CNTNAP2: variants seen among roughly 807,000 people sequenced by gnomAD.
The protein encoded by CNTNAP2 is contactin associated protein 2.
Under a neutral mutation model 155.2 loss-of-function variants are expected in CNTNAP2, and 98 were observed. The ratio of observed to expected loss-of-function variants is 0.63; its 90% confidence interval spans 0.54 to 0.75. The LOEUF (loss-of-function observed/expected upper bound fraction) is 0.75, where lower values mean the gene tolerates loss of function less well. Ranked by LOEUF, CNTNAP2 falls within the 30% of genes least tolerant of loss-of-function variation. CNTNAP2 has a pLI of 0.00. For synonymous variants in CNTNAP2, 651 were observed against 631.2 expected (o/e 1.03, Z -0.47); for missense variants, 1,727 against 1,688.1 (o/e 1.02, Z -0.40).
At chr7:148,374,029 G>A (rs915862221) in intron 21 of CNTNAP2, among the ~76,000 whole-genome samples, 5 of 152,200 alleles carry the variant, frequency 3.3e-5, no homozygotes, top group Non-Finnish European at 7.3e-5. Flanking sequence ...GTGACATGGA[G>A]CGTCAGTTAA....
Position 148,416,404 on chromosome 7 carries a change from C to T in CNTNAP2, c.*788C>T, listed in dbSNP as rs998536072. ...TAGCTGTAACTATCAGCTGCAATAC[C>T]ATGGTGACCAGCTGTTACAAAAGAT... On this transcript the variant is annotated 3_prime_UTR_variant, in exon 24 of 24. Transcript: ENST00000361727. 6.6e-6 allele frequency: 1 copy of T among 152,136 alleles called. No individual in the cohort carries two copies. Among genetic ancestry groups the T allele is most frequent in the African/African-American group, 2.4e-5 (1 of 41,416 alleles). 9.4% of individuals were successfully genotyped at this position (152,136 alleles called of 1,614,324 possible).
At chr7:146,714,999 G>T (rs982209660) in intron 1 of CNTNAP2, among the ~76,000 whole-genome samples, 1 of 152,096 alleles carries the variant, frequency 6.6e-6, no homozygotes, top group African/African-American at 2.4e-5. Flanking sequence ...TATGAGAAGG[G>T]AAAGAGATAA....
intron 23 of CNTNAP2, chr7:148,414,635 A>T (rs1189414505): frequency 6.6e-6 from 1 of 151,580 alleles, no homozygotes; most frequent in Non-Finnish European, 1.5e-5. Flanking sequence ...ATTTTGCTAC[A>T]TTTTTTTTCT....
chr7:146,845,932 G>T (rs927186630), intron 3 of CNTNAP2, among the ~76,000 whole-genome samples: 9 of 152,128 alleles, frequency 5.9e-5, no homozygotes, highest in African/African-American at 2.2e-4. Flanking sequence ...TGAATGGATT[G>T]TTCTGTCCTT....
At chr7:146,547,008 A>G (rs996750508) in intron 1 of CNTNAP2, among the ~76,000 whole-genome samples, 1 of 151,924 alleles carries the variant, frequency 6.6e-6, no homozygotes, top group African/African-American at 2.4e-5. Flanking sequence ...GAAGAGAGGG[A>G]GACAGGCAGG....
intron 1 of CNTNAP2, among the ~76,000 whole-genome samples, chr7:146,666,425 A>G (rs538624588): frequency 6.6e-6 from 1 of 152,260 alleles, no homozygotes; most frequent in Admixed American, 6.5e-5. Context: ...TTGATTCCGT[A>G]TCTTGGCCAT....
intron 13 of CNTNAP2, among the ~76,000 whole-genome samples, chr7:147,695,212 G>A (rs1380488445): frequency 2.0e-5 from 3 of 152,178 alleles, no homozygotes; most frequent in African/African-American, 7.2e-5. Flanking sequence ...AGCAGACACT[G>A]TATGATTTGT....
At chr7:146,744,056 G>A (rs1801766688) in intron 1 of CNTNAP2, among the ~76,000 whole-genome samples, 2 of 151,628 alleles carry the variant, frequency 1.3e-5, no homozygotes, top group Admixed American at 1.3e-4. Flanking sequence ...GTGAAACTCT[G>A]TCGCTACTAA....
intron 12 of CNTNAP2, among the ~76,000 whole-genome samples, chr7:147,591,801 T>A (rs1783076575): frequency 6.6e-6 from 1 of 152,160 alleles, no homozygotes; most frequent in African/African-American, 2.4e-5. Flanking sequence ...ACCATCTGCA[T>A]CCCTGTTCTT....
At chr7:146,901,870 C>CTTTTTTTTT (rs71165048) in intron 3 of CNTNAP2, among the ~76,000 whole-genome samples, 4 of 88,222 alleles carry the variant, frequency 4.5e-5, no homozygotes, top group East Asian at 3.0e-4. Context: ...ATATATGCTC[C>CTTTTTTTTT]TTTTTTTTTT....
chr7:146,367,596 A>G (rs1284358551), intron 1 of CNTNAP2, among the ~76,000 whole-genome samples: 1 of 152,232 alleles, frequency 6.6e-6, no homozygotes, highest in African/African-American at 2.4e-5. Context: ...CATTTTACAG[A>G]GTCCTTTGAG....
chr7:147,125,012 C>G (rs1801205078), intron 6 of CNTNAP2, among the ~76,000 whole-genome samples: 1 of 150,794 alleles, frequency 6.6e-6, no homozygotes. Context: ...TCCTGAGTAG[C>G]TGGGACTACA....
chr7:147,849,343 G>A (rs1276874676), intron 13 of CNTNAP2, among the ~76,000 whole-genome samples: 2 of 152,062 alleles, frequency 1.3e-5, no homozygotes, highest in Non-Finnish European at 2.9e-5. Flanking sequence ...TGTTTGTAGG[G>A]GAAAACAAAT....
chr7:148,099,867 G>T (rs138470968), intron 15 of CNTNAP2, among the ~76,000 whole-genome samples: 132 of 101,760 alleles, frequency 1.3e-3, no homozygotes, highest in East Asian at 2.2e-3. Context: ...TTTTTTTTTT[G>T]GTTTTTTTTT....
At chr7:146,629,674 T>A (rs1347923345) in intron 1 of CNTNAP2, among the ~76,000 whole-genome samples, 1 of 152,200 alleles carries the variant, frequency 6.6e-6, no homozygotes, top group Non-Finnish European at 1.5e-5. Flanking sequence ...TTACTAGAAC[T>A]ATAAACTAGG....
chr7:148,284,401 C>T (rs1212124154), intron 21 of CNTNAP2, among the ~76,000 whole-genome samples: 1 of 152,088 alleles, frequency 6.6e-6, no homozygotes, highest in Non-Finnish European at 1.5e-5. Flanking sequence ...CTTTCACCTT[C>T]TGCCATGATT....
intron 18 of CNTNAP2, among the ~76,000 whole-genome samples, chr7:148,205,661 T>A (rs1795437156): frequency 6.6e-6 from 1 of 152,266 alleles, no homozygotes; most frequent in Non-Finnish European, 1.5e-5. Context: ...ATGACATTTC[T>A]TTCAAGAAGC....
intron 9 of CNTNAP2, among the ~76,000 whole-genome samples, chr7:147,311,743 C>T (rs1400790289): frequency 6.6e-6 from 1 of 152,060 alleles, no homozygotes; most frequent in Non-Finnish European, 1.5e-5. Flanking sequence ...TTTTTGTTTG[C>T]ATATCTAATA....
At chr7:148,225,413 A>T (rs1795826882) in intron 19 of CNTNAP2, among the ~76,000 whole-genome samples, 1 of 152,166 alleles carries the variant, frequency 6.6e-6, no homozygotes, top group South Asian at 2.1e-4. Flanking sequence ...TGAACAGAAG[A>T]ACCGGTGACT....
Sources: gnomAD v4.1 joint callset for allele counts (sites outside exome capture counted in the v4.1 genomes callset) on GRCh38, gnomAD v4.1.1 for gene constraint, MANE v1.5 for transcripts, NCBI Gene and HGNC (gene_info 2026-07-23, HGNC 2026-07-21) for gene names.